NTM: variants seen among roughly 807,000 people sequenced by gnomAD.
NTM encodes neurotrimin.
In NTM, 13 loss-of-function variants were observed where a neutral mutation model predicts 42.1. The ratio of observed to expected loss-of-function variants is 0.31; its 90% CI spans 0.20 to 0.49. The LOEUF is 0.49. NTM is among the 20% of genes least tolerant of loss of function. The pLI is 0.99. For missense variants in NTM, 373 were observed against 452.8 expected (o/e 0.82, Z 1.60); for synonymous variants, 187 against 179.2 (o/e 1.04, Z -0.35).
chr11:131,880,172 C>T (rs2049246508), intron 1 of NTM, among the ~76,000 whole-genome samples: 1 of 152,192 alleles, frequency 6.6e-6, no homozygotes, highest in Non-Finnish European at 1.5e-5. Flanking sequence ...AGTCATAAAA[C>T]TCTCAATAAA....
chr11:131,793,137 C>G (rs372194288), intron 1 of NTM, among the ~76,000 whole-genome samples: 13 of 152,194 alleles, frequency 8.5e-5, no homozygotes, highest in Non-Finnish European at 1.8e-4. Context: ...CTGCAACACA[C>G]GAAGGACTAC....
chr11:131,622,038 T>G (rs2062626671), intron 1 of NTM, among the ~76,000 whole-genome samples: 1 of 152,104 alleles, frequency 6.6e-6, no homozygotes, highest in African/African-American at 2.4e-5. Flanking sequence ...AAGGGTCCCG[T>G]GGCTGTGGTC....
rs2136616880 is a variant in NTM at position 131,525,811 on chromosome 11, C to A, written c.82+154923C>A. ...AGCTCCCTCATTTTAAAATGGAGAT[C>A]ACAATAACAAACTTGTAGGGTTACT... On this transcript the variant is annotated intron_variant, in intron 1 of 8. Coordinates refer to ENST00000683400, the MANE Select transcript of NTM (RefSeq NM_001352005.2). Among the ~76,000 whole-genome samples the A allele has an allele frequency of 1.3e-5, 2 of 152,082 alleles. 1 individual carries two copies. The highest frequency in any genetic ancestry group is 6.8e-3 in the Middle Eastern group (2 of 294).
At chr11:131,808,355 T>C (rs918311368) in intron 1 of NTM, among the ~76,000 whole-genome samples, 4 of 152,168 alleles carry the variant, frequency 2.6e-5, no homozygotes, top group African/African-American at 9.7e-5. Context: ...ATTTGTTCGA[T>C]CAGGATTCAT....
At chr11:131,968,920 A>G (rs1214370621) in intron 2 of NTM, among the ~76,000 whole-genome samples, 3 of 152,170 alleles carry the variant, frequency 2.0e-5, no homozygotes, top group African/African-American at 7.2e-5. Flanking sequence ...GGTGTTTAAG[A>G]ACTCCCTTAT....
chr11:131,554,946 G>T (rs191580834), intron 1 of NTM, among the ~76,000 whole-genome samples: 97 of 152,138 alleles, frequency 6.4e-4, no homozygotes, highest in African/African-American at 2.1e-3. Context: ...TCTCTGGGTG[G>T]CCAGATAAGC....
chr11:131,410,803 C>A, intron 1 of NTM, among the ~76,000 whole-genome samples: 1 of 152,236 alleles, frequency 6.6e-6, no homozygotes, highest in African/African-American at 2.4e-5. Context: ...ATTATTGGAA[C>A]GCTAAACATG....
intron 7 of NTM, among the ~76,000 whole-genome samples, chr11:132,326,080 A>G (rs1463137309): frequency 1.3e-5 from 2 of 152,136 alleles, no homozygotes; most frequent in Non-Finnish European, 2.9e-5. Flanking sequence ...TGACGAGTTA[A>G]TGGGTGCAGC....
At chr11:131,836,838 A>C (rs901200745) in intron 1 of NTM, among the ~76,000 whole-genome samples, 2 of 152,250 alleles carry the variant, frequency 1.3e-5, no homozygotes, top group African/African-American at 4.8e-5. Flanking sequence ...AGTTGGATCA[A>C]AATAATTGAC....
chr11:132,146,637 G>A lies in NTM; in HGVS notation c.400+123G>A. On this transcript the variant is annotated intron_variant, in intron 3 of 8. Coordinates refer to ENST00000683400, the MANE Select transcript of NTM (RefSeq NM_001352005.2). The surrounding 1 kb of genome is among the most constrained non-coding windows in gnomAD (Gnocchi z 4.5). ...CTTATTCTACGCATCTGGGGTCCAGGGCACATTTCTGGTTGTCATTTTGCA... is the reference window on the plus strand; with the variant it reads ...CTTATTCTACGCATCTGGGGTCCAGAGCACATTTCTGGTTGTCATTTTGCA... 1 of 995,522 alleles carries A rather than the reference G, an allele frequency of 1.0e-6. No homozygotes were observed. The highest frequency in any genetic ancestry group is 2.0e-5 in the South Asian group (1 of 50,022). The allele number at this position is 995,522 out of a possible 1,614,324, so 61.7% of individuals were successfully genotyped here.
chr11:131,905,984 A>G (rs1412808201), intron 1 of NTM, among the ~76,000 whole-genome samples: 3 of 152,200 alleles, frequency 2.0e-5, no homozygotes, highest in Non-Finnish European at 4.4e-5. Flanking sequence ...TCAAGGGCCT[A>G]TAGGGGAGTG....
intron 2 of NTM, among the ~76,000 whole-genome samples, chr11:132,038,027 C>A (rs1396463783): frequency 6.6e-6 from 1 of 152,218 alleles, no homozygotes; most frequent in Non-Finnish European, 1.5e-5. Flanking sequence ...TTAGACCGTG[C>A]ATGTGTGCAC....
intron 2 of NTM, among the ~76,000 whole-genome samples, chr11:132,127,690 AT>A (rs923119442): frequency 2.0e-5 from 3 of 152,220 alleles, no homozygotes; most frequent in African/African-American, 7.2e-5. Flanking sequence ...CCAGAGCGGC[AT>A]TCCGGCGGAT....
intron 1 of NTM, among the ~76,000 whole-genome samples, chr11:131,757,547 G>A (rs930423938): frequency 1.3e-5 from 2 of 152,150 alleles, no homozygotes; most frequent in Non-Finnish European, 2.9e-5. Context: ...CCCATTTCCA[G>A]GCGTGTTAGG....
At chr11:132,202,373 C>T (rs141451849) in intron 3 of NTM, among the ~76,000 whole-genome samples, 4 of 152,240 alleles carry the variant, frequency 2.6e-5, no homozygotes, top group Admixed American at 6.5e-5. Flanking sequence ...ATCCTCCCTT[C>T]GTGAACTGGT....
intron 1 of NTM, among the ~76,000 whole-genome samples, chr11:131,424,060 C>T (rs1947806542): frequency 6.6e-6 from 1 of 152,192 alleles, no homozygotes; most frequent in African/African-American, 2.4e-5. Flanking sequence ...GAGCTTGAAG[C>T]TGCCATGCAA....
chr11:132,064,818 G>A (rs370262539), intron 2 of NTM, among the ~76,000 whole-genome samples: 22 of 152,264 alleles, frequency 1.4e-4, no homozygotes, highest in South Asian at 8.3e-4. Context: ...GGGGTTATGG[G>A]TCAGAACATC....
chr11:132,335,003 A>AT (rs1482737781), intron 8 of NTM, 43 bp from the exon 9 acceptor site: 2 of 1,595,424 alleles, frequency 1.3e-6, no homozygotes, highest in Non-Finnish European at 1.7e-6. Context: ...CTTTCCTTCC[A>AT]TTTTCTCCCA....
Position 131,834,274 on chromosome 11 carries a change from ACT to A in NTM, c.83-77287_83-77286del, listed in dbSNP as rs1233991695. Among the ~76,000 whole-genome samples, 4 of 151,682 alleles carry A rather than the reference ACT, an allele frequency of 2.6e-5. No homozygotes were observed. In the East Asian group the frequency reaches 7.8e-4, roughly 30 times the overall value. On this transcript the variant is annotated intron_variant, in intron 1 of 8. Coordinates refer to ENST00000683400, the MANE Select transcript of NTM (RefSeq NM_001352005.2). ...CAGGCTTAGGGCCTCCTTCCTTCTCACTCTATATTTTCCCAATACCCACTCCC... is the reference window on the plus strand; with the variant it reads ...CAGGCTTAGGGCCTCCTTCCTTCTCACTATATTTTCCCAATACCCACTCCC...
Sources: allele counts gnomAD v4.1 joint callset (sites outside exome capture counted in the v4.1 genomes callset), GRCh38; gene constraint gnomAD v4.1.1; non-coding constraint Gnocchi (gnomAD v3.1); transcripts MANE v1.5; gene names NCBI Gene and HGNC (gene_info 2026-07-23, HGNC 2026-07-21).